SLC25A13: variants seen among roughly 807,000 people sequenced by gnomAD.
SLC25A13 encodes solute carrier family 25 member 13, also known as electrogenic aspartate/glutamate antiporter SLC25A13, mitochondrial.
SLC25A13 carries 70 observed loss-of-function variants against 85.5 expected under a neutral mutation model. The ratio of observed to expected loss-of-function variants is 0.82; its 90% confidence interval spans 0.68 to 1.00. The LOEUF is 1.00. Ranked by LOEUF, SLC25A13 falls within the 50% of genes least tolerant of loss-of-function variation. SLC25A13 has a pLI of 0.00. For synonymous variants in SLC25A13, 259 were observed against 288.7 expected, an observed-to-expected ratio of 0.90 and a Z score of 1.04; for missense variants, 765 against 819.8, an observed-to-expected ratio of 0.93 and a Z score of 0.82.
intron 5 of SLC25A13, among the ~76,000 whole-genome samples, chr7:96,208,495 ACC>A (rs1033358212): frequency 1.4e-5 from 2 of 147,830 alleles, no homozygotes; most frequent in Non-Finnish European, 3.0e-5. Context: ...TTACTTATTT[ACC>A]CTTTTAACTT....
intron 3 of SLC25A13, among the ~76,000 whole-genome samples, chr7:96,271,559 A>C (rs1363616589): frequency 1.3e-5 from 2 of 152,186 alleles, no homozygotes; most frequent in Non-Finnish European, 2.9e-5. Flanking sequence ...AAGGCCAAGG[A>C]ATTTAAAACC....
intron 15 of SLC25A13, among the ~76,000 whole-genome samples, chr7:96,128,799 A>T (rs1002917941): frequency 1.4e-5 from 2 of 147,672 alleles, no homozygotes; most frequent in Non-Finnish European, 3.0e-5. Context: ...ATAATAATAA[A>T]AGTCAATGCT....
chr7:96,301,512 G>C (rs1389233316), intron 1 of SLC25A13, among the ~76,000 whole-genome samples: 1 of 151,930 alleles, frequency 6.6e-6, no homozygotes, highest in Non-Finnish European at 1.5e-5. Context: ...AGAAGAAAGG[G>C]GTCCTTTACA....
intron 2 of SLC25A13, among the ~76,000 whole-genome samples, chr7:96,295,058 T>C (rs74590514): frequency 8.1e-4 from 124 of 152,282 alleles, no homozygotes; most frequent in African/African-American, 2.9e-3. Flanking sequence ...AAAAATGTTT[T>C]ATTATGAACA....
chr7:96,221,139 C>A (rs1796113771), intron 4 of SLC25A13, among the ~76,000 whole-genome samples: 1 of 152,154 alleles, frequency 6.6e-6, no homozygotes, highest in Admixed American at 6.5e-5. Flanking sequence ...GTCAATCGTG[C>A]AAATCCGTAT....
At position 96,121,179 on chromosome 7, in the gene SLC25A13, G is replaced by C. The variant is rs776668360; in HGVS notation, c.*12C>G. ...CCCACAAAAAGACAGCACTATCCCA[G>C]GGCTGATCTTCCTATGGGCCTCCAC... On this transcript the variant is annotated 3_prime_UTR_variant, in exon 18 of 18. Coordinates refer to ENST00000265631, the MANE Select transcript of SLC25A13 (RefSeq NM_014251.3). 1.9e-6 allele frequency: 3 copies of C among 1,613,870 alleles called. No homozygotes were observed. The Admixed American group carries it at 5.0e-5, about 27-fold the overall frequency.
rs114502269 is a variant in SLC25A13, at chr7:96,146,763, A to T, written c.1312-67T>A. The T allele has an allele frequency of 2.9e-3, 4,403 of 1,530,420 alleles. 115 individuals are homozygous for T. In the African/African-American group the frequency reaches 0.053, roughly 18 times the overall value. 94.8% of individuals were successfully genotyped at this position (1,530,420 alleles called of 1,614,324 possible). On this transcript the variant is annotated intron_variant, in intron 13 of 17. Transcript: ENST00000265631. ...GGTAAGGTGGGTCAGGAAGAGATGA[A>T]TGATTATTCTCAAGGATAAAAATAT...
chr7:96,271,802 C>A (rs1376213069), intron 3 of SLC25A13, among the ~76,000 whole-genome samples: 1 of 152,012 alleles, frequency 6.6e-6, no homozygotes, highest in Non-Finnish European at 1.5e-5. Context: ...AAAAGCATGT[C>A]TATTAATGGG....
At chr7:96,218,255 CT>C (rs1229553581) in intron 4 of SLC25A13, among the ~76,000 whole-genome samples, 9 of 152,146 alleles carry the variant, frequency 5.9e-5, no homozygotes, top group African/African-American at 2.2e-4. Context: ...AAAATCCATC[CT>C]TTCTTGAGCT....
At chr7:96,257,043 A>G (rs1797664563) in intron 3 of SLC25A13, among the ~76,000 whole-genome samples, 1 of 152,224 alleles carries the variant, frequency 6.6e-6, no homozygotes, top group Non-Finnish European at 1.5e-5. Context: ...ACGTACCAGA[A>G]TCTCTGGGGC....
rs907802052 is a variant in SLC25A13 at position 96,263,036 on chromosome 7, A to C, written c.212+14160T>G. On this transcript the variant is annotated intron_variant, in intron 3 of 17. Coordinates refer to ENST00000265631, the MANE Select transcript of SLC25A13 (RefSeq NM_014251.3). ...GGTCCAACCATCTAGGAAAAAAAAA[A>C]AAAAAAAAACAGCAGAGCTACTGCT... Among the ~76,000 whole-genome samples the C allele has an allele frequency of 5.0e-3, 766 of 151,736 alleles. 7 individuals carry two copies. The highest frequency in any genetic ancestry group is 0.018 in the African/African-American group (740 of 41,442).
intron 11 of SLC25A13, among the ~76,000 whole-genome samples, chr7:96,173,046 C>T (rs1380972108): frequency 6.6e-6 from 1 of 152,236 alleles, no homozygotes; most frequent in African/African-American, 2.4e-5. Flanking sequence ...GCGTGAGCCA[C>T]AGCGCCCGGC....
intron 15 of SLC25A13, among the ~76,000 whole-genome samples, chr7:96,126,183 T>G (rs1791719469): frequency 6.6e-6 from 1 of 152,190 alleles, no homozygotes; most frequent in African/African-American, 2.4e-5. Context: ...ATGGGCTTTG[T>G]GTAACTGGGT....
At chr7:96,235,960 T>C (rs1796725549) in intron 3 of SLC25A13, among the ~76,000 whole-genome samples, 1 of 152,198 alleles carries the variant, frequency 6.6e-6, no homozygotes, top group East Asian at 1.9e-4. Context: ...CCAAATACTT[T>C]AATGATACAT....
At chr7:96,203,599 A>G (rs1795344414) in intron 5 of SLC25A13, among the ~76,000 whole-genome samples, 1 of 152,216 alleles carries the variant, frequency 6.6e-6, no homozygotes, top group Non-Finnish European at 1.5e-5. Context: ...TATGAGAGGT[A>G]GCTAATAACA....
At chr7:96,201,639 T>C (rs1160917437) in intron 5 of SLC25A13, among the ~76,000 whole-genome samples, 2 of 152,134 alleles carry the variant, frequency 1.3e-5, no homozygotes, top group South Asian at 2.1e-4. Context: ...ACCTTGTTAA[T>C]TGTCCACTCA....
chr7:96,252,865 G>A (rs181361428), intron 3 of SLC25A13, among the ~76,000 whole-genome samples: 5 of 152,232 alleles, frequency 3.3e-5, no homozygotes, highest in Admixed American at 6.5e-5. Context: ...AGGCAGAGGT[G>A]GGTGGATCAC....
At chr7:96,190,857 C>A (rs1794821427) in intron 7 of SLC25A13, among the ~76,000 whole-genome samples, 1 of 152,182 alleles carries the variant, frequency 6.6e-6, no homozygotes, top group Admixed American at 6.5e-5. Context: ...AGGTGATCCA[C>A]CCACCTCGGC....
At chr7:96,259,937 A>C (rs1414213803) in intron 3 of SLC25A13, among the ~76,000 whole-genome samples, 1 of 152,050 alleles carries the variant, frequency 6.6e-6, no homozygotes. Context: ...CACCATTCTC[A>C]GCAAACTAAC....
Sources: allele counts gnomAD v4.1 joint callset (sites outside exome capture counted in the v4.1 genomes callset), GRCh38; gene constraint gnomAD v4.1.1; transcripts MANE v1.5; gene names NCBI Gene and HGNC (gene_info 2026-07-23, HGNC 2026-07-21).